Variants in TOX observed in about 807,000 individuals in gnomAD.
TOX encodes the protein thymocyte selection associated high mobility group box.
TOX carries 11 observed loss-of-function variants against 53.7 expected under a neutral mutation model. The observed-to-expected ratio is 0.20, with a 90% CI of 0.13 to 0.34. The LOEUF (loss-of-function observed/expected upper bound fraction) is 0.34, where lower values mean the gene tolerates loss of function less well. Among genes scored for constraint, TOX ranks in the 10% least tolerant of loss-of-function variants. TOX has a pLI of 1.00. For synonymous variants in TOX, 225 were observed against 245.3 expected (o/e 0.92, Z 0.77); for missense variants, 570 against 664.6 (o/e 0.86, Z 1.56).
intron 1 of TOX, among the ~76,000 whole-genome samples, chr8:58,977,992 A>T (rs943522408): frequency 6.6e-6 from 1 of 152,250 alleles, no homozygotes; most frequent in Non-Finnish European, 1.5e-5. Context: ...CTCTTGCTTA[A>T]TGTGGGGTAG....
chr8:59,040,111 C>T (rs138574281), intron 1 of TOX, among the ~76,000 whole-genome samples: 3,319 of 152,126 alleles, frequency 0.022, 86 homozygotes, highest in South Asian at 0.088. Flanking sequence ...GGGCGGATCA[C>T]GAGGTCAGGA....
At chr8:59,001,127 A>G (rs1461173317) in intron 1 of TOX, among the ~76,000 whole-genome samples, 9 of 152,190 alleles carry the variant, frequency 5.9e-5, no homozygotes, top group Admixed American at 5.9e-4. Context: ...AATACCTACA[A>G]GAACTAAGAT....
chr8:58,867,155 GA>G, intron 3 of TOX, among the ~76,000 whole-genome samples: 1 of 152,092 alleles, frequency 6.6e-6, no homozygotes, highest in Non-Finnish European at 1.5e-5. Flanking sequence ...ATTTTTTGAA[GA>G]CAAAAAACAC....
intron 1 of TOX, among the ~76,000 whole-genome samples, chr8:59,057,915 C>T (rs1196253749): frequency 9.9e-5 from 15 of 152,052 alleles, no homozygotes; most frequent in African/African-American, 1.7e-4. Flanking sequence ...GGCACAGTCT[C>T]GGCTCACTGC....
chr8:58,899,796 T>A (rs111734754), intron 3 of TOX, among the ~76,000 whole-genome samples: 4 of 152,258 alleles, frequency 2.6e-5, no homozygotes, highest in African/African-American at 9.6e-5. Context: ...CTATTCTAAC[T>A]GTAGTTAAAG....
At chr8:59,092,280 T>TATAC (rs1804627052) in intron 1 of TOX, among the ~76,000 whole-genome samples, 1 of 117,076 alleles carries the variant, frequency 8.5e-6, no homozygotes, top group African/African-American at 3.7e-5. Context: ...TATATATATA[T>TATAC]ATTATATATA....
At chr8:58,813,518 A>C (rs926819140) in intron 7 of TOX, among the ~76,000 whole-genome samples, 2 of 152,150 alleles carry the variant, frequency 1.3e-5, no homozygotes, top group Non-Finnish European at 2.9e-5. Flanking sequence ...TACAAACACT[A>C]CTGGTTCATT....
Position 59,010,435 on chromosome 8 carries a change from C to T in TOX, c.103-50427G>A, listed in dbSNP as rs138856534. 6.0e-3 allele frequency among the ~76,000 whole-genome samples: 906 copies of T among 152,196 alleles called. 6 individuals carry two copies. Among genetic ancestry groups the T allele is most frequent in the Non-Finnish European group, 8.7e-3 (593 of 68,016 alleles). Reference sequence around the variant, plus strand: ...CAAGATCATATTAGAATATTGCATACGATTTTAAGAGTGACGAGGCCAACG... The same window carrying T: ...CAAGATCATATTAGAATATTGCATATGATTTTAAGAGTGACGAGGCCAACG... On this transcript the variant is annotated intron_variant, in intron 1 of 8. Transcript: ENST00000361421.
intron 1 of TOX, among the ~76,000 whole-genome samples, chr8:59,008,864 G>T (rs1813843657): frequency 6.6e-6 from 1 of 152,204 alleles, no homozygotes; most frequent in Admixed American, 6.5e-5. Flanking sequence ...CTACAAATCA[G>T]CAGTTACCCT....
chr8:58,986,647 A>T (rs1813334141), intron 1 of TOX, among the ~76,000 whole-genome samples: 1 of 152,220 alleles, frequency 6.6e-6, no homozygotes, highest in Non-Finnish European at 1.5e-5. Flanking sequence ...TCCAGCAGGT[A>T]ATTCAGTGTT....
At chr8:59,024,788 G>A (rs577960533) in intron 1 of TOX, among the ~76,000 whole-genome samples, 1 of 151,974 alleles carries the variant, frequency 6.6e-6, no homozygotes, top group Non-Finnish European at 1.5e-5. Flanking sequence ...CTGGAAAAGC[G>A]GCCGTGTGAT....
intron 3 of TOX, among the ~76,000 whole-genome samples, chr8:58,856,705 G>T (rs1327877757): frequency 6.6e-6 from 1 of 151,634 alleles, no homozygotes; most frequent in African/African-American, 2.4e-5. Context: ...CTCGTGTGGT[G>T]CTTCCAAGAA....
chr8:58,814,987 C>T (rs1436101627), intron 7 of TOX, among the ~76,000 whole-genome samples: 6 of 152,112 alleles, frequency 3.9e-5, no homozygotes, highest in Non-Finnish European at 5.9e-5. Context: ...CAAAGAGATT[C>T]GGCAGCACTT....
chr8:58,873,537 T>C (rs1458078687), intron 3 of TOX, among the ~76,000 whole-genome samples: 2 of 152,130 alleles, frequency 1.3e-5, no homozygotes, highest in Non-Finnish European at 2.9e-5. Context: ...TCAACTGTCT[T>C]TTTAACCAAG....
At chr8:59,092,261 T>A (rs577527455) in intron 1 of TOX, among the ~76,000 whole-genome samples, 1 of 52,276 alleles carries the variant, frequency 1.9e-5, no homozygotes, top group Non-Finnish European at 3.6e-5. Context: ...CATATATATA[T>A]ATTTTATATA....
intron 3 of TOX, among the ~76,000 whole-genome samples, chr8:58,909,912 C>G (rs755163593): frequency 1.3e-5 from 2 of 152,108 alleles, no homozygotes; most frequent in African/African-American, 2.4e-5. Context: ...CCTGCCTTGG[C>G]CTCCCAAAGT....
intron 1 of TOX, among the ~76,000 whole-genome samples, chr8:59,005,524 G>T (rs1263891063): frequency 6.6e-6 from 1 of 152,156 alleles, no homozygotes; most frequent in Non-Finnish European, 1.5e-5. Context: ...TTATCACACT[G>T]TTACATTTGT....
intron 1 of TOX, among the ~76,000 whole-genome samples, chr8:59,103,466 G>A (rs557242374): frequency 1.4e-4 from 22 of 152,298 alleles, no homozygotes; most frequent in African/African-American, 4.6e-4. Flanking sequence ...TGACTTAATT[G>A]TAAGTGCTTC....
At chr8:59,003,556 A>T (rs1813734731) in intron 1 of TOX, among the ~76,000 whole-genome samples, 1 of 152,242 alleles carries the variant, frequency 6.6e-6, no homozygotes, top group Non-Finnish European at 1.5e-5. Flanking sequence ...ACGGGGGGAA[A>T]AGGAATGAAT....
Sources: gnomAD v4.1 joint callset for allele counts (sites outside exome capture counted in the v4.1 genomes callset) on GRCh38, gnomAD v4.1.1 for gene constraint, MANE v1.5 for transcripts, NCBI Gene and HGNC (gene_info 2026-07-23, HGNC 2026-07-21) for gene names.